The following DHX9 variants were observed in gnomAD, a reference collection of about 807,000 sequenced individuals.
DHX9 encodes DExH-box helicase 9.
DHX9 carries 27 observed loss-of-function variants against 148.7 expected under a neutral mutation model. The observed-to-expected ratio is 0.18, with a 90% CI of 0.13 to 0.25. DHX9 has a LOEUF of 0.25. Ranked by LOEUF, DHX9 falls within the 10% of genes least tolerant of loss-of-function variation. DHX9 has a pLI of 1.00. For synonymous variants in DHX9, 529 were observed against 516.6 expected (o/e 1.02, Z -0.33); for missense variants, 796 against 1,559.6 (o/e 0.51, Z 8.25).
chr1:182,877,962 A>G, intron 19 of DHX9, 59 bp from the exon 20 acceptor site: 1 of 1,582,392 alleles, frequency 6.3e-7, no homozygotes, highest in Non-Finnish European at 8.6e-7. Context: ...CTTAGTGGAT[A>G]TATAATAGTT....
At chr1:182,848,236 CAG>C (rs1668067784) in intron 3 of DHX9, among the ~76,000 whole-genome samples, 2 of 152,340 alleles carry the variant, frequency 1.3e-5, no homozygotes, top group East Asian at 1.9e-4. Context: ...CTTTTTAACT[CAG>C]TGTTTCTCAA....
chr1:182,859,984 C>G lies in DHX9; in HGVS notation c.1141-9C>G. On this transcript the variant is annotated splice_polypyrimidine_tract_variant and intron_variant, in intron 11 of 27. Coordinates refer to ENST00000367549, the MANE Select transcript of DHX9 (RefSeq NM_001357.5). Reference sequence around the variant, plus strand: ...GACATTTGACTGAAGTGTGACTTTTCTAATGCAGATCTTGCAGGAGAGAGA... The same window carrying G: ...GACATTTGACTGAAGTGTGACTTTTGTAATGCAGATCTTGCAGGAGAGAGA... 1 of 1,602,428 alleles carries G rather than the reference C, an allele frequency of 6.2e-7. No individual in the cohort carries two copies.
At chr1:182,851,026 A>G (rs1273982693) in intron 3 of DHX9, among the ~76,000 whole-genome samples, 1 of 152,112 alleles carries the variant, frequency 6.6e-6, no homozygotes, top group African/African-American at 2.4e-5. Flanking sequence ...GGTGGTAGAA[A>G]GAGGAGGACA....
Position 182,876,811 on chromosome 1 carries a change from A to T in DHX9, c.2125-19A>T. 1 of 1,586,342 alleles carries T rather than the reference A, an allele frequency of 6.3e-7. No homozygotes were observed. The highest frequency in any genetic ancestry group is 8.6e-7 in the Non-Finnish European group (1 of 1,159,050). ...CTAATAAGAATATTTTCTGGAGTGT[A>T]ATTTTTCTTTCTTCACAGGTTATTT... On this transcript the variant is annotated intron_variant, in intron 18 of 27. Transcript: ENST00000367549.
chr1:182,865,947 A>T (rs1438482330), intron 12 of DHX9, among the ~76,000 whole-genome samples: 1 of 152,198 alleles, frequency 6.6e-6, no homozygotes, highest in African/African-American at 2.4e-5. Context: ...CTGCTATGTG[A>T]GCTCATCAAA....
At chr1:182,884,945 T>G (rs910632373) in intron 27 of DHX9, 132 bp downstream of exon 27, 19 of 773,110 alleles carry the variant, frequency 2.5e-5, no homozygotes, top group Admixed American at 1.1e-4. Context: ...GCTATATAGA[T>G]AGAGAGTTTG....
chr1:182,875,473 A>G (rs759785918), intron 16 of DHX9, among the ~76,000 whole-genome samples: 1 of 152,170 alleles, frequency 6.6e-6, no homozygotes, highest in Non-Finnish European at 1.5e-5. Context: ...TCAGGGAGCA[A>G]TGAGGGATTT....
chr1:182,872,143 A>T (rs374918484), intron 14 of DHX9, among the ~76,000 whole-genome samples, 194 bp from the exon 15 acceptor site: 1 of 152,194 alleles, frequency 6.6e-6, no homozygotes, highest in South Asian at 2.1e-4. Flanking sequence ...TTAGGCTACA[A>T]CTGTTCTCAA....
At position 182,876,109 on chromosome 1, in the gene DHX9, T is replaced by A; in HGVS notation, c.1875T>A (p.Ser625=). 6.2e-7 allele frequency: 1 copy of A among 1,613,986 alleles called. No homozygotes were observed. The highest frequency in any genetic ancestry group is 8.5e-7 in the Non-Finnish European group (1 of 1,179,862). Residue 625 remains serine, a synonymous_variant, in exon 17 of 28, where the codon TCT becomes TCA. Coordinates refer to ENST00000367549, the MANE Select transcript of DHX9 (RefSeq NM_001357.5). Reference sequence around the variant, plus strand: ...GTCCAGAAACAAGGTTGAGCATGTCTCAATTGAACGAAAAGGAAACTCCTT... The same window carrying A: ...GTCCAGAAACAAGGTTGAGCATGTCACAATTGAACGAAAAGGAAACTCCTT... ...EYGPETRLSM[S]QLNEKETPFE... is the part of the protein sequence containing the mutation.
intron 12 of DHX9, among the ~76,000 whole-genome samples, chr1:182,862,400 C>T (rs1668378256): frequency 6.6e-6 from 1 of 152,142 alleles, no homozygotes; most frequent in Non-Finnish European, 1.5e-5. Flanking sequence ...GGGCTGTATG[C>T]AGAAAATTTT....
chr1:182,864,365 T>C lies in DHX9; in HGVS notation c.1333-2079T>C, dbSNP rs1036840099. 5.3e-5 allele frequency among the ~76,000 whole-genome samples: 8 copies of C among 152,252 alleles called. No homozygotes were observed. In the South Asian group the frequency reaches 6.2e-4, roughly 12 times the overall value. On this transcript the variant is annotated intron_variant, in intron 12 of 27. Coordinates refer to ENST00000367549, the MANE Select transcript of DHX9 (RefSeq NM_001357.5). ...TCCCAAAATGTTGGAATTCACTGGCTAGCTACCATACCGGGCTTAAAGATT... is the reference window on the plus strand; with the variant it reads ...TCCCAAAATGTTGGAATTCACTGGCCAGCTACCATACCGGGCTTAAAGATT...
chr1:182,849,976 A>G (rs1571299313), intron 3 of DHX9, among the ~76,000 whole-genome samples: 3 of 134,852 alleles, frequency 2.2e-5, no homozygotes, highest in African/African-American at 5.6e-5. Flanking sequence ...TAAAGTGTAC[A>G]CACGTACCCC....
chr1:182,866,515 C>T lies in DHX9; in HGVS notation c.1404C>T (p.Ser468=), dbSNP rs762864412. 3.7e-6 allele frequency: 6 copies of T among 1,614,160 alleles called. No individual in the cohort carries two copies. Among genetic ancestry groups the T allele is most frequent in the Non-Finnish European group, 4.2e-6 (5 of 1,180,012 alleles). The change falls in exon 13 of 28, where the codon AGC becomes AGT. Residue 468 remains serine (S), a synonymous_variant. Transcript: ENST00000367549. ...AAAGAGGAGAAGAGCCTGGAAAAAG[C>T]TGTGGCTACAGCGTTCGATTTGAGT... is the stretch of plus-strand genomic sequence containing the variant. The part of the protein sequence containing the change: ...AFERGEEPGK[S]CGYSVRFESI...
In DHX9 at chr1:182,873,443, A is replaced by G. The variant is rs887028106; in HGVS notation, c.1714+950A>G. Among the ~76,000 whole-genome samples the G allele has an allele frequency of 4.1e-4, 63 of 152,236 alleles. 1 individual carries two copies. Among genetic ancestry groups the G allele is most frequent in the Admixed American group, 1.3e-4 (2 of 15,284 alleles). ...CTAAGCCAGTATAATTCACTGGGGT[A>G]CAGGTTAATTCTGAAACTGCTGTAC... On this transcript the variant is annotated intron_variant, in intron 15 of 27. Transcript: ENST00000367549.
At chr1:182,843,182 T>C (rs1667962420) in intron 2 of DHX9, 112 bp from the exon 3 acceptor site, 2 of 665,022 alleles carry the variant, frequency 3.0e-6, no homozygotes, top group African/African-American at 1.9e-5. Flanking sequence ...TTATAGAGTA[T>C]ATTTCCTAAA....
intron 18 of DHX9, 64 bp downstream of exon 18, chr1:182,876,605 G>A (rs1262156294): frequency 1.4e-6 from 2 of 1,461,172 alleles, no homozygotes; most frequent in Non-Finnish European, 1.9e-6. Flanking sequence ...AATGTTACAG[G>A]CTTTCAAAGA....
At chr1:182,860,410 A>G (rs1668339734) in intron 12 of DHX9, 1 of 303,620 alleles carries the variant, frequency 3.3e-6, no homozygotes, top group Non-Finnish European at 6.0e-6. Flanking sequence ...TCTGGGCTAA[A>G]GAGTCTCTGG....
intron 11 of DHX9, 83 bp downstream of exon 11, chr1:182,859,200 T>G: frequency 7.6e-7 from 1 of 1,315,366 alleles, no homozygotes; most frequent in South Asian, 1.2e-5. Flanking sequence ...AGCAGTACAT[T>G]TTGCCCTTTT....
chr1:182,866,440 T>G lies in DHX9; in HGVS notation c.1333-4T>G, dbSNP rs776294237. 5 of 1,613,250 alleles carry G rather than the reference T, an allele frequency of 3.1e-6. No homozygotes were observed. The highest frequency in any genetic ancestry group is 4.2e-6 in the Non-Finnish European group (5 of 1,179,688). ...TAAGTCACTTTTCTTTTTTTCTGTCTCAGCCCAGAAGAATCAGTGCGGTTT... is the reference window on the plus strand; with the variant it reads ...TAAGTCACTTTTCTTTTTTTCTGTCGCAGCCCAGAAGAATCAGTGCGGTTT... On this transcript the variant is annotated splice_polypyrimidine_tract_variant and splice_region_variant and intron_variant, in intron 12 of 27. Coordinates refer to ENST00000367549, the MANE Select transcript of DHX9 (RefSeq NM_001357.5).
Sources: gnomAD v4.1 joint callset for allele counts (sites outside exome capture counted in the v4.1 genomes callset) on GRCh38, gnomAD v4.1.1 for gene constraint, MANE v1.5 for transcripts, NCBI Gene and HGNC (gene_info 2026-07-23, HGNC 2026-07-21) for gene names.